Variants in ACER1 observed in about 807,000 individuals in gnomAD.
ACER1 encodes the protein alkaline ceramidase 1, also known as CTB-180A7.3.
ACER1 carries 28 observed loss-of-function variants against 24.9 expected under a neutral mutation model. The observed-to-expected ratio is 1.13, with a 90% CI of 0.83 to 1.54. ACER1 has a LOEUF of 1.54. Among genes scored for constraint, ACER1 ranks in the 40% most tolerant of loss-of-function variants. The pLI, the probability that ACER1 is intolerant of heterozygous loss-of-function variation, is 0.00. For missense variants in ACER1, 352 were observed against 349.3 expected, an observed-to-expected ratio of 1.01 and a Z score of -0.06; for synonymous variants, 132 against 131.4, an observed-to-expected ratio of 1.00 and a Z score of -0.03.
chr19:6,307,111 C>A, intron 5 of ACER1, 42 bp downstream of exon 5: 2 of 1,609,008 alleles, frequency 1.2e-6, no homozygotes, highest in Non-Finnish European at 8.5e-7. Flanking sequence ...ATCTAAGATT[C>A]TCTGACTCTG....
At chr19:6,307,378 G>A in intron 4 of ACER1, 88 bp from the exon 5 acceptor site, 4 of 1,480,112 alleles carry the variant, frequency 2.7e-6, no homozygotes, top group Non-Finnish European at 3.7e-6. Flanking sequence ...ACAGTGATGA[G>A]GCTCAGAGGT....
chr19:6,351,095 G>A, the ACER1 span, among the ~76,000 whole-genome samples: 11 of 152,252 alleles, frequency 7.2e-5, no homozygotes, highest in South Asian at 2.3e-3. Flanking sequence ...GGCCGGGTGT[G>A]GTGGCTCACG....
upstream of ACER1, among the ~76,000 whole-genome samples, chr19:6,338,088 A>G (rs954650855): frequency 2.0e-5 from 3 of 151,956 alleles, no homozygotes; most frequent in African/African-American, 7.2e-5. Context: ...TCTCAAAAAA[A>G]AATAGTTAAT....
In ACER1 at chr19:6,306,774, C is replaced by T. The variant is rs766125186; in HGVS notation, c.735G>A (p.Arg245=). 57 of 1,614,010 alleles carry T rather than the reference C, an allele frequency of 3.5e-5. No individual in the cohort carries two copies. The highest frequency in any genetic ancestry group is 4.7e-5 in the Non-Finnish European group (55 of 1,180,008). The change falls in exon 6 of 6, where the codon CGG becomes CGA. Residue 245 remains arginine, a synonymous_variant. Transcript: ENST00000301452. ...AGGGCAGCCCCACGGGCCAACTGTC[C>T]CGAGGCCAGTAGCGGACTTTGAGGG... The part of the protein sequence containing the change: ...GETLKVRYWP[R]DSWPVGLPYV...
the ACER1 span, among the ~76,000 whole-genome samples, chr19:6,359,506 C>G: frequency 6.6e-6 from 1 of 151,912 alleles, no homozygotes; most frequent in African/African-American, 2.4e-5. Context: ...TTAATAGAGA[C>G]GGAGTTTCAC....
intron 1 of ACER1, among the ~76,000 whole-genome samples, chr19:6,328,836 T>A (rs1350650300): frequency 6.6e-6 from 1 of 151,838 alleles, no homozygotes; most frequent in Non-Finnish European, 1.5e-5. Flanking sequence ...CTGGCTAATT[T>A]TTTTTTTTTT....
At chr19:6,308,326 T>A (rs2091561641) in intron 4 of ACER1, among the ~76,000 whole-genome samples, 1 of 148,066 alleles carries the variant, frequency 6.8e-6, no homozygotes, top group African/African-American at 2.5e-5. Flanking sequence ...TTTCAGCTAC[T>A]CAGGAGGCTA....
intron 4 of ACER1, among the ~76,000 whole-genome samples, chr19:6,308,877 C>T (rs930897152): frequency 6.6e-6 from 1 of 152,040 alleles, no homozygotes; most frequent in African/African-American, 2.4e-5. Context: ...TCTCTGCTTG[C>T]ATGTCTGTTT....
the ACER1 span, chr19:6,343,755 C>T: frequency 2.6e-5 from 4 of 152,278 alleles, no homozygotes; most frequent in Admixed American, 6.5e-5. Flanking sequence ...ATCTGTAGCA[C>T]AGCAGCCACT....
chr19:6,352,005 G>A, the ACER1 span, among the ~76,000 whole-genome samples: 9 of 147,724 alleles, frequency 6.1e-5, no homozygotes, highest in African/African-American at 2.2e-4. Flanking sequence ...GCAGTGAGCC[G>A]AGATCACACC....
At chr19:6,349,951 C>G in the ACER1 span, among the ~76,000 whole-genome samples, 51 of 152,240 alleles carry the variant, frequency 3.3e-4, 1 homozygote, top group Non-Finnish European at 6.6e-4. Flanking sequence ...GGCAACATAG[C>G]AAGACCTCGT....
chr19:6,347,113 T>TAC, the ACER1 span, among the ~76,000 whole-genome samples: 1 of 111,852 alleles, frequency 8.9e-6, no homozygotes, highest in Non-Finnish European at 1.7e-5. Context: ...AAAAAAAATA[T>TAC]ATATATATAT....
chr19:6,348,750 C>T, the ACER1 span, among the ~76,000 whole-genome samples: 1 of 151,932 alleles, frequency 6.6e-6, no homozygotes, highest in African/African-American at 2.4e-5. Context: ...TGGGAATTCA[C>T]AGTTGTCAAA....
intron 4 of ACER1, among the ~76,000 whole-genome samples, 164 bp from the exon 5 acceptor site, chr19:6,307,454 T>C (rs990519814): frequency 6.6e-6 from 1 of 151,932 alleles, no homozygotes; most frequent in Non-Finnish European, 1.5e-5. Flanking sequence ...TGCTTAGAAC[T>C]AACACAGCAT....
chr19:6,324,923 G>A (rs1030199714), intron 1 of ACER1, among the ~76,000 whole-genome samples: 9 of 151,262 alleles, frequency 5.9e-5, no homozygotes, highest in Middle Eastern at 3.4e-3. Flanking sequence ...AGGAAGGAAG[G>A]AAACTCTCCT....
chr19:6,342,298 G>C, the ACER1 span, among the ~76,000 whole-genome samples: 1 of 121,242 alleles, frequency 8.2e-6, no homozygotes, highest in Non-Finnish European at 1.6e-5. Flanking sequence ...GTTTCACTCT[G>C]TTGCCCAGGC....
chr19:6,347,109 A>AAAAAAAAAAAAAAATATATATATATAT, the ACER1 span, among the ~76,000 whole-genome samples: 1 of 113,822 alleles, frequency 8.8e-6, no homozygotes, highest in African/African-American at 5.1e-5. Context: ...AAAAAAAAAA[A>AAAAAAAAAAAAAAATATATATATATAT]ATATATATAT....
At chr19:6,333,356 C>G (rs2091698014) in intron 1 of ACER1, 103 bp downstream of exon 1, 5 of 923,890 alleles carry the variant, frequency 5.4e-6, no homozygotes, top group Non-Finnish European at 7.9e-6. Flanking sequence ...AGGGCTGAGA[C>G]AGGTGAACCA....
chr19:6,348,465 G>GAA, the ACER1 span, among the ~76,000 whole-genome samples: 3,912 of 101,780 alleles, frequency 0.038, 71 homozygotes, highest in Non-Finnish European at 0.049. Flanking sequence ...ACTCCATCTG[G>GAA]AAAAAAAAAA....
Sources: allele counts gnomAD v4.1 joint callset (sites outside exome capture counted in the v4.1 genomes callset), GRCh38; gene constraint gnomAD v4.1.1; transcripts MANE v1.5; gene names NCBI Gene and HGNC (gene_info 2026-07-23, HGNC 2026-07-21).